Variants in CACNA1H observed in about 807,000 individuals in gnomAD.
CACNA1H encodes calcium voltage-gated channel subunit alpha1 H.
CACNA1H carries 149 observed loss-of-function variants against 192.5 expected under a neutral mutation model. The observed-to-expected ratio is 0.77, with a 90% confidence interval of 0.68 to 0.89. The LOEUF is 0.89. CACNA1H is among the 40% of genes least tolerant of loss of function. The pLI, the probability that CACNA1H is intolerant of heterozygous loss-of-function variation, is 0.00. For missense variants in CACNA1H, 4,257 were observed against 3,423.5 expected (o/e 1.24, Z -6.08); for synonymous variants, 2,202 against 1,475.2 (o/e 1.49, Z -11.29).
chr16:1,207,344 C>G lies in CACNA1H; in HGVS notation c.2977C>G (p.Leu993Val), dbSNP rs1265393669. 2 of 1,612,732 alleles carry G rather than the reference C, an allele frequency of 1.2e-6. No individual in the cohort carries two copies. Among genetic ancestry groups the G allele is most frequent in the South Asian group, 1.1e-5 (1 of 90,888 alleles). The change falls in exon 14 of 35, where the codon CTC becomes GTC. Residue 993 changes from leucine to valine, a missense_variant. Coordinates refer to ENST00000348261, the MANE Select transcript of CACNA1H (RefSeq NM_021098.3). ...GGCCTCCACCTCCTCCTGGGCCGCC[C>G]TCTACTTCGTGGCCCTCATGACCTT... Reference protein sequence around the residue: ...GMASTSSWAALYFVALMTFGN... With the variant: ...GMASTSSWAAVYFVALMTFGN...
At chr16:1,160,541 G>A (rs1963058055) in intron 2 of CACNA1H, among the ~76,000 whole-genome samples, 1 of 152,190 alleles carries the variant, frequency 6.6e-6, no homozygotes, top group Non-Finnish European at 1.5e-5. Flanking sequence ...TGTGCCCGCC[G>A]AGGATGACAG....
At chr16:1,203,709 C>T (rs1215946826) in intron 9 of CACNA1H, among the ~76,000 whole-genome samples, 2 of 152,200 alleles carry the variant, frequency 1.3e-5, no homozygotes, top group African/African-American at 2.4e-5. Context: ...AAGTCCCCGG[C>T]TTGTCGACAC....
intron 2 of CACNA1H, among the ~76,000 whole-genome samples, chr16:1,160,906 G>A (rs1174923010): frequency 2.6e-5 from 4 of 152,128 alleles, no homozygotes. Context: ...GGCCGGCGAG[G>A]ACCGAGGCAT....
At chr16:1,196,130 G>A in intron 5 of CACNA1H, 107 bp downstream of exon 5, 2 of 886,072 alleles carry the variant, frequency 2.3e-6, no homozygotes, top group Non-Finnish European at 3.6e-6. Context: ...GGAAATGAAG[G>A]TTACCAGGCA....
At chr16:1,156,373 G>T (rs968275644) in intron 2 of CACNA1H, among the ~76,000 whole-genome samples, 19 of 152,248 alleles carry the variant, frequency 1.2e-4, no homozygotes, top group Non-Finnish European at 2.4e-4. Context: ...CTGGCCTGTA[G>T]CGAGGGTGTG....
rs112910900 is a variant in CACNA1H at position 1,179,573 on chromosome 16, C to T, written c.300-15399C>T. Reference sequence around the variant, plus strand: ...CCTCCTGAATAGCTGGGATTACAGGCGCCCGCCACCATGCCTGGCTAATTT... The same window carrying T: ...CCTCCTGAATAGCTGGGATTACAGGTGCCCGCCACCATGCCTGGCTAATTT... On this transcript the variant is annotated intron_variant, in intron 2 of 34. Transcript: ENST00000348261. Among the ~76,000 whole-genome samples the T allele has an allele frequency of 7.8e-3, 1,186 of 152,066 alleles. 7 individuals are homozygous for T. Among genetic ancestry groups the T allele is most frequent in the African/African-American group, 0.023 (968 of 41,450 alleles).
chr16:1,164,161 C>T (rs142681873), intron 2 of CACNA1H, among the ~76,000 whole-genome samples: 13 of 152,274 alleles, frequency 8.5e-5, no homozygotes, highest in African/African-American at 2.9e-4. Flanking sequence ...ACAGAAAACC[C>T]AGGATGCCCG....
intron 17 of CACNA1H, 78 bp from the exon 18 acceptor site, chr16:1,209,957 G>A (rs559222373): frequency 1.4e-5 from 15 of 1,087,314 alleles, no homozygotes; most frequent in East Asian, 5.2e-5. Context: ...AGGGGTGGCC[G>A]AGCTGAGCAC....
In CACNA1H at chr16:1,212,155, G is replaced by A. The variant is rs1221457861; in HGVS notation, c.4759+17G>A. 2 of 1,590,272 alleles carry A rather than the reference G, an allele frequency of 1.3e-6. No individual in the cohort carries two copies. Among genetic ancestry groups the A allele is most frequent in the Admixed American group, 1.7e-5 (1 of 58,850 alleles). The stretch of plus-strand genomic sequence containing the variant: ...GGCGCAGGAGTAAGGCGCTCCCGGT[G>A]GCGGTGGCGGTGGCGGGTCGGTACC... On this transcript the variant is annotated intron_variant, in intron 25 of 34. Coordinates refer to ENST00000348261, the MANE Select transcript of CACNA1H (RefSeq NM_021098.3).
intron 8 of CACNA1H, among the ~76,000 whole-genome samples, chr16:1,201,422 G>A (rs1372560504): frequency 6.6e-6 from 1 of 152,180 alleles, no homozygotes; most frequent in Non-Finnish European, 1.5e-5. Flanking sequence ...GCCACATGGA[G>A]AAGCAGGAAA....
rs745956268 is a variant in CACNA1H at position 1,210,563 on chromosome 16, C to CG, written c.3970-20_3970-19insG. Reference sequence around the variant, plus strand: ...GGAGGGGTGGAGTGGACACAGCCCCCCACCGTCCTCTCCCGGCAGGAGCGG... The same window carrying CG: ...GGAGGGGTGGAGTGGACACAGCCCCCGCACCGTCCTCTCCCGGCAGGAGCGG... On this transcript the variant is annotated intron_variant, in intron 19 of 34. Transcript: ENST00000348261. 1 of 1,610,010 alleles carries CG rather than the reference C, an allele frequency of 6.2e-7. No individual in the cohort carries two copies. Among genetic ancestry groups the CG allele is most frequent in the East Asian group, 2.2e-5 (1 of 44,880 alleles).
intron 34 of CACNA1H, 30 bp from the exon 35 acceptor site, chr16:1,219,951 G>T (rs772937228): frequency 1.6e-6 from 2 of 1,273,406 alleles, no homozygotes; most frequent in Non-Finnish European, 2.0e-6. Flanking sequence ...CCAGGGCCCC[G>T]CCCCTCACTT....
rs1567509868 is a variant in CACNA1H at position 1,200,863 on chromosome 16, G to T, written c.1212+55G>T. 6.5e-6 allele frequency: 9 copies of T among 1,385,588 alleles called. No individual in the cohort carries two copies. In the East Asian group the frequency reaches 2.2e-4, roughly 34 times the overall value. The allele number at this position is 1,385,588 out of a possible 1,614,324, so 85.8% of individuals were successfully genotyped here. A position where few individuals can be genotyped will look rare whatever the true frequency, so the allele number is the denominator to read the frequency against. On this transcript the variant is annotated intron_variant, in intron 8 of 34. Coordinates refer to ENST00000348261, the MANE Select transcript of CACNA1H (RefSeq NM_021098.3). ...TGGGCCCTGGTGTTAGCTGGCTGGG[G>T]GTGGGGTGGGGTACCTGGGTGGTCA...
At chr16:1,153,681 C>T (rs1961883289) in intron 1 of CACNA1H, 39 bp from the exon 2 acceptor site, 45 of 1,138,898 alleles carry the variant, frequency 4.0e-5, no homozygotes, top group Non-Finnish European at 4.8e-5. Context: ...AGGGCGGGGG[C>T]GTCGCCACCG....
chr16:1,179,193 C>CTT, intron 2 of CACNA1H, among the ~76,000 whole-genome samples: 1 of 152,338 alleles, frequency 6.6e-6, no homozygotes, highest in South Asian at 2.1e-4. Context: ...GAGAGCTGTG[C>CTT]TTTTATCTGA....
intron 2 of CACNA1H, among the ~76,000 whole-genome samples, chr16:1,192,420 C>G (rs1966704491): frequency 6.6e-6 from 1 of 152,264 alleles, no homozygotes; most frequent in African/African-American, 2.4e-5. Context: ...ACCATCCACT[C>G]CACTCTGCTG....
At chr16:1,193,622 C>T (rs1478444174) in intron 2 of CACNA1H, among the ~76,000 whole-genome samples, 2 of 152,256 alleles carry the variant, frequency 1.3e-5, no homozygotes, top group African/African-American at 2.4e-5. Flanking sequence ...AGGCTGATTT[C>T]GGCTTTCTTG....
chr16:1,200,139 C>T (rs372570939), intron 6 of CACNA1H, 117 bp from the exon 7 acceptor site: 152 of 820,856 alleles, frequency 1.9e-4, no homozygotes, highest in Non-Finnish European at 2.6e-4. Flanking sequence ...AGTCCACTGG[C>T]CCTGACCCTG....
intron 6 of CACNA1H, among the ~76,000 whole-genome samples, chr16:1,199,746 C>T (rs988960881): frequency 1.3e-5 from 2 of 150,950 alleles, no homozygotes; most frequent in African/African-American, 4.9e-5. Flanking sequence ...GAGCCCACAC[C>T]CCGGGGTTCC....
Sources: gnomAD v4.1 joint callset for allele counts (sites outside exome capture counted in the v4.1 genomes callset) on GRCh38, gnomAD v4.1.1 for gene constraint, MANE v1.5 for transcripts, NCBI Gene and HGNC (gene_info 2026-07-23, HGNC 2026-07-21) for gene names.